Variants in PRDM2 observed in about 807,000 individuals in gnomAD.
The protein encoded by PRDM2 is PR domain zinc finger protein 2.
In PRDM2, 30 loss-of-function variants were observed where a neutral mutation model predicts 130.0. The ratio of observed to expected loss-of-function variants is 0.23; its 90% CI spans 0.17 to 0.31. The LOEUF is 0.31. PRDM2 is among the 10% of genes least tolerant of loss of function. PRDM2 has a pLI of 1.00. For missense variants in PRDM2, 2,011 were observed against 2,108.4 expected (o/e 0.95, Z 0.90); for synonymous variants, 871 against 782.4 (o/e 1.11, Z -1.89).
intron 1 of PRDM2, chr1:13,704,888 C>T (rs1642161454): frequency 6.6e-6 from 1 of 152,088 alleles, no homozygotes; most frequent in Non-Finnish European, 1.5e-5. Flanking sequence ...CCTCACTCTG[C>T]GAGGCTTATT....
chr1:13,821,783 A>G (rs1485234163), intron 9 of PRDM2, among the ~76,000 whole-genome samples: 1 of 152,112 alleles, frequency 6.6e-6, no homozygotes, highest in Non-Finnish European at 1.5e-5. Flanking sequence ...GAACATTATT[A>G]AGGATTCACC....
At chr1:13,794,220 G>T (rs1413756389) in intron 8 of PRDM2, among the ~76,000 whole-genome samples, 1 of 152,196 alleles carries the variant, frequency 6.6e-6, no homozygotes, top group East Asian at 1.9e-4. Context: ...AGGCTGATCA[G>T]CTGGCACCTC....
chr1:13,819,012 G>A (rs1455448054), intron 9 of PRDM2, among the ~76,000 whole-genome samples: 1 of 152,178 alleles, frequency 6.6e-6, no homozygotes, highest in Admixed American at 6.5e-5. Context: ...GGGTCTTCTG[G>A]AAAGTGAGAG....
intron 8 of PRDM2, among the ~76,000 whole-genome samples, chr1:13,808,200 G>C (rs1048001167): frequency 1.3e-5 from 2 of 152,132 alleles, no homozygotes; most frequent in Non-Finnish European, 2.9e-5. Context: ...TCTAAAAACA[G>C]TTGATGCTGG....
At chr1:13,723,049 G>A (rs1311054252) in intron 2 of PRDM2, among the ~76,000 whole-genome samples, 1 of 152,150 alleles carries the variant, frequency 6.6e-6, no homozygotes. Flanking sequence ...GGCTGCCTCT[G>A]CTTTCTTCCC....
chr1:13,793,590 G>A (rs1227277697), intron 8 of PRDM2, among the ~76,000 whole-genome samples: 1 of 152,140 alleles, frequency 6.6e-6, no homozygotes, highest in African/African-American at 2.4e-5. Flanking sequence ...ATGAGTGGGT[G>A]GTTCTATCCT....
chr1:13,720,402 T>G (rs769911454), intron 2 of PRDM2, among the ~76,000 whole-genome samples: 2 of 152,072 alleles, frequency 1.3e-5, no homozygotes, highest in Non-Finnish European at 2.9e-5. Context: ...TTCATGTACC[T>G]GGAGCAGACC....
intron 2 of PRDM2, chr1:13,717,281 T>C (rs779612139): frequency 7.3e-5 from 18 of 247,410 alleles, no homozygotes; most frequent in Non-Finnish European, 1.2e-4. Flanking sequence ...ATCAAAGTTA[T>C]ACTCATATAT....
rs1397410648 is a variant in PRDM2, at chr1:13,731,006, A to G, written c.16A>G (p.Thr6Ala). Residue 6 changes from threonine to alanine, a missense_variant, in exon 3 of 10, where the codon ACT becomes GCT. Around this residue, in one of 5 missense-constraint regions of PRDM2, gnomAD observed 79 missense variants for 93.6 expected, o/e 0.84. Coordinates refer to ENST00000311066, the MANE Select transcript of PRDM2 (RefSeq NM_001393986.1). MNQNTTEPVAATETLA... is the reference protein window; with the variant it reads MNQNTAEPVAATETLA... ...TCCATTTCTTGACTTGCAGAACACTACTGAGCCTGTGGCGGCCACCGAGAC... is the reference window on the plus strand; with the variant it reads ...TCCATTTCTTGACTTGCAGAACACTGCTGAGCCTGTGGCGGCCACCGAGAC... 9.0e-6 allele frequency: 14 copies of G among 1,557,848 alleles called. No individual in the cohort carries two copies. The highest frequency in any genetic ancestry group is 1.7e-5 in the African/African-American group (1 of 59,678).
chr1:13,724,745 A>G (rs1642852642), intron 2 of PRDM2, among the ~76,000 whole-genome samples: 1 of 152,138 alleles, frequency 6.6e-6, no homozygotes, highest in African/African-American at 2.4e-5. Context: ...CACCCATCTC[A>G]ACCTCCCAAA....
intron 2 of PRDM2, among the ~76,000 whole-genome samples, chr1:13,719,900 G>T (rs1257165976): frequency 6.6e-6 from 1 of 151,942 alleles, no homozygotes; most frequent in Non-Finnish European, 1.5e-5. Context: ...ATTCTAAGCT[G>T]TTTTTTGCTT....
Position 13,779,902 on chromosome 1 carries a change from C to T in PRDM2, c.2107C>T (p.Pro703Ser), listed in dbSNP as rs1644568105. The change falls in exon 8 of 10, where the codon CCT becomes TCT. Residue 703 changes from proline (P) to serine (S), a missense_variant. Physicochemically the swap from Pro to Ser is moderately conservative, Grantham distance 74. This residue lies in a region of PRDM2 where 1,288 missense variants were observed against 1,237.7 expected (regional missense o/e 1.04). Coordinates refer to ENST00000311066, the MANE Select transcript of PRDM2 (RefSeq NM_001393986.1). This position sits in a 1 kb window ranked among gnomAD's most constrained non-coding sequence, Gnocchi z 4.9. ...TCTTCAAACCCAAGATAAACTAACTCCTGCAGGGATTTCAGCAACTGAAAT... is the reference window on the plus strand; with the variant it reads ...TCTTCAAACCCAAGATAAACTAACTTCTGCAGGGATTTCAGCAACTGAAAT... ...QLLQTQDKLT[P>S]AGISATEIAK... 6.2e-7 allele frequency: 1 copy of T among 1,613,910 alleles called. No homozygotes were observed. The highest frequency in any genetic ancestry group is 8.5e-7 in the Non-Finnish European group (1 of 1,179,966).
rs1209032459 is a variant in PRDM2, at chr1:13,806,033, G to GT, written c.5037-10390dup. On this transcript the variant is annotated intron_variant, in intron 8 of 9. Transcript: ENST00000311066. This position sits in a 1 kb window ranked among gnomAD's most constrained non-coding sequence, Gnocchi z 4.1. The stretch of plus-strand genomic sequence containing the variant: ...CTTCTCTCTTGAACTCACTTTCAGG[G>GT]TTTTGGCTCTTCTTGAGGAGCCATC... Among the ~76,000 whole-genome samples, 1 of 152,062 alleles carries GT rather than the reference G, an allele frequency of 6.6e-6. No homozygotes were observed. The highest frequency in any genetic ancestry group is 1.9e-4 in the East Asian group (1 of 5,178).
chr1:13,804,591 C>CT (rs1553164694), intron 8 of PRDM2, among the ~76,000 whole-genome samples: 7 of 151,382 alleles, frequency 4.6e-5, no homozygotes, highest in African/African-American at 1.7e-4. Flanking sequence ...CAACAAGCTC[C>CT]GGGGGGGGAA....
intron 8 of PRDM2, among the ~76,000 whole-genome samples, chr1:13,808,022 T>C (rs1645111518): frequency 6.6e-6 from 1 of 152,100 alleles, no homozygotes; most frequent in Non-Finnish European, 1.5e-5. Flanking sequence ...GTCCAGAAAT[T>C]TCCCTCCTAG....
In PRDM2 at chr1:13,779,359, G is replaced by A; in HGVS notation, c.1564G>A (p.Glu522Lys). ...AGGTGTACGGCGAAAAGGAGGCCTT[G>A]AAGAGCCCCAGCCTCCAGCAGAACA... ...PKGVRRKGGL[E>K]EPQPPAEQAQ... Residue 522 changes from glutamate (E) to lysine (K), a missense_variant, in exon 8 of 10, where the codon GAA (glutamate) becomes AAA (lysine). Glu to Lys is a moderately conservative substitution (Grantham distance 56). Coordinates refer to ENST00000311066, the MANE Select transcript of PRDM2 (RefSeq NM_001393986.1). This position sits in a 1 kb window ranked among gnomAD's most constrained non-coding sequence, Gnocchi z 4.9. The A allele has an allele frequency of 6.2e-7, 1 of 1,614,158 alleles. No homozygotes were observed. The highest frequency in any genetic ancestry group is 8.5e-7 in the Non-Finnish European group (1 of 1,180,024).
chr1:13,821,946 T>A (rs2697971), intron 9 of PRDM2, among the ~76,000 whole-genome samples: 2 of 152,074 alleles, frequency 1.3e-5, no homozygotes, highest in East Asian at 1.9e-4. Context: ...GCTCATCATC[T>A]GCAGGCTTGT....
intron 6 of PRDM2, among the ~76,000 whole-genome samples, chr1:13,768,578 C>G (rs1209508057): frequency 6.6e-6 from 1 of 151,544 alleles, no homozygotes; most frequent in Non-Finnish European, 1.5e-5. Flanking sequence ...TGGGGTTTCA[C>G]CCACCATGTT....
In PRDM2 at chr1:13,780,789, C is replaced by T; in HGVS notation, c.2994C>T (p.Pro998=). The T allele has an allele frequency of 1.9e-6, 3 of 1,584,172 alleles. No homozygotes were observed. Among genetic ancestry groups the T allele is most frequent in the Non-Finnish European group, 2.6e-6 (3 of 1,162,574 alleles). The change falls in exon 8 of 10, where the codon CCC becomes CCT. Residue 998 remains proline (P), a synonymous_variant. Transcript: ENST00000311066. ...TTCCTACCGTACCTCTTCCAGCCCC[C>T]TCTTCCAGTGCATCTCCACACCCAT... ...PLLPTVPLPA[P]SSSASPHPCP...
Sources: gnomAD v4.1 joint callset for allele counts (sites outside exome capture counted in the v4.1 genomes callset) on GRCh38, gnomAD v4.1.1 for gene constraint, gnomAD v4.1.1 regional missense constraint, Gnocchi (gnomAD v3.1) non-coding constraint, MANE v1.5 for transcripts, NCBI Gene and HGNC (gene_info 2026-07-23, HGNC 2026-07-21) for gene names.